Variants in PDE7B observed in about 807,000 individuals in gnomAD.
The protein encoded by PDE7B is 3',5'-cyclic-AMP phosphodiesterase 7B.
Under a neutral mutation model 56.2 loss-of-function variants are expected in PDE7B, and 29 were observed. The ratio of observed to expected loss-of-function variants is 0.52; its 90% CI spans 0.38 to 0.70. PDE7B has a LOEUF of 0.70. Ranked by LOEUF, PDE7B falls within the 30% of genes least tolerant of loss-of-function variation. The pLI is 0.00. For missense variants in PDE7B, 490 were observed against 565.0 expected (o/e 0.87, Z 1.35); for synonymous variants, 197 against 196.9 (o/e 1.00, Z 0.00).
Position 136,045,997 on chromosome 6 carries a change from C to T in PDE7B, c.83-62734C>T, listed in dbSNP as rs139328702. On this transcript the variant is annotated intron_variant, in intron 2 of 12. Coordinates refer to ENST00000308191, the MANE Select transcript of PDE7B (RefSeq NM_018945.4). Reference sequence around the variant, plus strand: ...TCTCCAAATCTTTTTGGATGACACCCAAACATTTCACACAAATCTATAAAC... The same window carrying T: ...TCTCCAAATCTTTTTGGATGACACCTAAACATTTCACACAAATCTATAAAC... Among the ~76,000 whole-genome samples the T allele has an allele frequency of 9.0e-3, 1,364 of 151,854 alleles. 16 individuals are homozygous for T. The highest frequency in any genetic ancestry group is 0.031 in the African/African-American group (1,295 of 41,524).
chr6:136,070,751 A>T (rs553931804), intron 2 of PDE7B, among the ~76,000 whole-genome samples: 4 of 152,176 alleles, frequency 2.6e-5, no homozygotes, highest in Non-Finnish European at 4.4e-5. Flanking sequence ...TTTTATTATG[A>T]CCAAACTAAA....
At chr6:136,125,299 G>A (rs1007271327) in intron 3 of PDE7B, among the ~76,000 whole-genome samples, 5 of 152,130 alleles carry the variant, frequency 3.3e-5, no homozygotes, top group Admixed American at 6.5e-5. Flanking sequence ...AAGGGCCCGG[G>A]CATGGTCACT....
At chr6:135,893,110 C>T (rs1461330763) in intron 1 of PDE7B, among the ~76,000 whole-genome samples, 1 of 151,960 alleles carries the variant, frequency 6.6e-6, no homozygotes, top group Non-Finnish European at 1.5e-5. Context: ...GGTACATGTG[C>T]ACAACGTGCA....
intron 1 of PDE7B, among the ~76,000 whole-genome samples, chr6:135,925,144 GA>G (rs1031360811): frequency 6.6e-5 from 10 of 151,666 alleles, no homozygotes; most frequent in African/African-American, 1.2e-4. Context: ...AAAAGAAGTA[GA>G]AAATTTAATA....
intron 2 of PDE7B, among the ~76,000 whole-genome samples, chr6:135,948,985 T>A (rs916424547): frequency 2.6e-5 from 4 of 151,882 alleles, no homozygotes; most frequent in African/African-American, 9.7e-5. Flanking sequence ...TGTGTCCCAG[T>A]TTTGGATTTG....
intron 1 of PDE7B, among the ~76,000 whole-genome samples, chr6:135,905,409 T>C (rs1485235643): frequency 6.6e-6 from 1 of 150,894 alleles, no homozygotes; most frequent in Non-Finnish European, 1.5e-5. Flanking sequence ...GATAAGAAAA[T>C]TGAGCAGGAG....
chr6:136,159,916 T>C (rs1431298490), intron 8 of PDE7B, among the ~76,000 whole-genome samples: 2 of 152,214 alleles, frequency 1.3e-5, no homozygotes, highest in Admixed American at 6.5e-5. Context: ...AAATACCCTC[T>C]TGACTTAATT....
At chr6:135,979,530 T>C (rs2128204043) in intron 2 of PDE7B, among the ~76,000 whole-genome samples, 1 of 152,218 alleles carries the variant, frequency 6.6e-6, no homozygotes, top group Non-Finnish European at 1.5e-5. Context: ...GTTGGTAAGC[T>C]ATTGATTATT....
chr6:135,991,169 G>GT (rs1775473131), intron 2 of PDE7B, among the ~76,000 whole-genome samples: 1 of 152,248 alleles, frequency 6.6e-6, no homozygotes, highest in Admixed American at 6.5e-5. Context: ...ACTGCACCCT[G>GT]TTTTGTCAGC....
At chr6:136,030,957 C>T (rs1307032988) in intron 2 of PDE7B, among the ~76,000 whole-genome samples, 1 of 152,168 alleles carries the variant, frequency 6.6e-6, no homozygotes, top group African/African-American at 2.4e-5. Context: ...TGATAGTCAA[C>T]CTTATCTTTA....
chr6:136,012,845 T>C (rs559538375), intron 2 of PDE7B: 1 of 152,330 alleles, frequency 6.6e-6, no homozygotes, highest in East Asian at 1.9e-4. Flanking sequence ...TGAAAGTAAT[T>C]TCCCCCCTTT....
intron 2 of PDE7B, among the ~76,000 whole-genome samples, chr6:136,031,007 T>G (rs748566067): frequency 6.6e-6 from 1 of 152,242 alleles, no homozygotes; most frequent in Non-Finnish European, 1.5e-5. Flanking sequence ...AAAAGAAAAT[T>G]AACAAGCTAT....
chr6:135,952,566 T>C (rs969302344), intron 2 of PDE7B, among the ~76,000 whole-genome samples: 4 of 152,090 alleles, frequency 2.6e-5, no homozygotes, highest in African/African-American at 7.2e-5. Flanking sequence ...ACTCGACTGA[T>C]AAAGGCTACA....
chr6:135,929,413 T>C (rs1310348228), intron 1 of PDE7B, among the ~76,000 whole-genome samples: 1 of 152,182 alleles, frequency 6.6e-6, no homozygotes, highest in African/African-American at 2.4e-5. Flanking sequence ...CTTGTTAGAA[T>C]TGAGTTTTGC....
intron 2 of PDE7B, among the ~76,000 whole-genome samples, chr6:136,019,028 A>G (rs189316515): frequency 5.6e-4 from 85 of 152,110 alleles, no homozygotes; most frequent in African/African-American, 2.0e-3. Context: ...CTATTTTATT[A>G]AAAGGCAGTC....
At chr6:136,007,028 T>G (rs1299161364) in intron 2 of PDE7B, among the ~76,000 whole-genome samples, 1 of 152,212 alleles carries the variant, frequency 6.6e-6, no homozygotes, top group East Asian at 1.9e-4. Context: ...CTATTCAGTG[T>G]AATATTGGCT....
intron 2 of PDE7B, chr6:136,044,600 C>G (rs866521250): frequency 1.3e-5 from 2 of 152,098 alleles, no homozygotes; most frequent in Non-Finnish European, 2.9e-5. Context: ...AAGTGCAAAA[C>G]TAATATGAGA....
chr6:135,872,507 T>G (rs1423699657), intron 1 of PDE7B, among the ~76,000 whole-genome samples: 3 of 152,214 alleles, frequency 2.0e-5, no homozygotes, highest in Non-Finnish European at 4.4e-5. Flanking sequence ...ATGCAGTATG[T>G]CAAATGCAAG....
intron 2 of PDE7B, among the ~76,000 whole-genome samples, chr6:136,025,344 A>G (rs1395096737): frequency 1.3e-5 from 2 of 152,260 alleles, no homozygotes; most frequent in Admixed American, 1.3e-4. Flanking sequence ...TGCATTGATT[A>G]TAATGTGTTT....
Sources: allele counts gnomAD v4.1 joint callset (sites outside exome capture counted in the v4.1 genomes callset), GRCh38; gene constraint gnomAD v4.1.1; transcripts MANE v1.5; gene names NCBI Gene and HGNC (gene_info 2026-07-23, HGNC 2026-07-21).